The following MAP2 variants were observed in gnomAD, a reference collection of about 807,000 sequenced individuals.
MAP2 encodes microtubule-associated protein 2.
In MAP2, 14 loss-of-function variants were observed where a neutral mutation model predicts 137.6. The ratio of observed to expected loss-of-function variants is 0.10; its 90% confidence interval spans 0.07 to 0.16. MAP2 has a LOEUF of 0.16. Ranked by LOEUF, MAP2 falls within the 10% of genes least tolerant of loss-of-function variation. MAP2 has a pLI of 1.00. For missense variants in MAP2, 2,088 were observed against 2,191.5 expected (o/e 0.95, Z 0.94); for synonymous variants, 786 against 782.3 (o/e 1.00, Z -0.08).
intron 1 of MAP2, among the ~76,000 whole-genome samples, chr2:209,483,296 G>T (rs963375622): frequency 6.6e-6 from 1 of 152,130 alleles, no homozygotes; most frequent in Non-Finnish European, 1.5e-5. Context: ...GTGTTATAAA[G>T]TGTACCTTGT....
chr2:209,425,399 G>A (rs925938734), intron 1 of MAP2, among the ~76,000 whole-genome samples: 20 of 152,116 alleles, frequency 1.3e-4, no homozygotes, highest in African/African-American at 4.8e-4. Context: ...GTTACAAAAG[G>A]AAATAGGTAC....
chr2:209,507,263 T>A (rs2061188656), intron 1 of MAP2, among the ~76,000 whole-genome samples: 1 of 152,168 alleles, frequency 6.6e-6, no homozygotes, highest in Non-Finnish European at 1.5e-5. Context: ...TGGTAGTATA[T>A]TAAGAACAGA....
intron 2 of MAP2, among the ~76,000 whole-genome samples, chr2:209,549,191 C>T (rs1210219539): frequency 2.0e-5 from 3 of 152,060 alleles, no homozygotes; most frequent in African/African-American, 7.2e-5. Context: ...GGAGATTTTT[C>T]CCTAATATTT....
chr2:209,605,605 TG>T, intron 3 of MAP2, among the ~76,000 whole-genome samples: 1 of 152,340 alleles, frequency 6.6e-6, no homozygotes, highest in Admixed American at 6.5e-5. Context: ...ACATCCTTTA[TG>T]CCACCTTTGG....
At chr2:209,462,046 C>G (rs191029884) in intron 1 of MAP2, among the ~76,000 whole-genome samples, 1 of 152,250 alleles carries the variant, frequency 6.6e-6, no homozygotes, top group Admixed American at 6.5e-5. Context: ...AGTCATCACA[C>G]TTATCAAAAC....
chr2:209,726,483 G>A (rs902434362), intron 14 of MAP2, among the ~76,000 whole-genome samples: 1 of 152,172 alleles, frequency 6.6e-6, no homozygotes, highest in Non-Finnish European at 1.5e-5. Flanking sequence ...CATAGAGTGG[G>A]CATGTTGGCT....
chr2:209,453,872 C>T (rs1273526270), intron 1 of MAP2, among the ~76,000 whole-genome samples: 1 of 152,020 alleles, frequency 6.6e-6, no homozygotes, highest in African/African-American at 2.4e-5. Context: ...AGAGGACAGG[C>T]CGGGTGTCGT....
chr2:209,574,226 C>T (rs1689356962), intron 2 of MAP2, among the ~76,000 whole-genome samples: 1 of 152,136 alleles, frequency 6.6e-6, no homozygotes, highest in Non-Finnish European at 1.5e-5. Flanking sequence ...TCCCCCAGCC[C>T]TGTCACTGGT....
At chr2:209,436,366 G>A (rs1029988569) in intron 1 of MAP2, among the ~76,000 whole-genome samples, 2 of 151,492 alleles carry the variant, frequency 1.3e-5, no homozygotes, top group African/African-American at 2.4e-5. Flanking sequence ...TGTGGGCCAC[G>A]CGTAGTCTCT....
In MAP2 at chr2:209,709,895, G is replaced by A. The variant is rs773876303; in HGVS notation, c.4733-19G>A. 4 of 1,593,824 alleles carry A rather than the reference G, an allele frequency of 2.5e-6. No individual in the cohort carries two copies. Among genetic ancestry groups the A allele is most frequent in the African/African-American group, 1.3e-5 (1 of 74,618 alleles). ...ATTGTCTGACTCTGGTTTGGTTTTG[G>A]TCTTGCTTGTTAATACAGGGTCAGA... On this transcript the variant is annotated intron_variant, in intron 12 of 15. Coordinates refer to ENST00000682079, the MANE Select transcript of MAP2 (RefSeq NM_001375505.1).
chr2:209,614,170 G>A lies in MAP2; in HGVS notation c.-106-10883G>A, dbSNP rs147195948. On this transcript the variant is annotated intron_variant, in intron 3 of 15. Coordinates refer to ENST00000682079, the MANE Select transcript of MAP2 (RefSeq NM_001375505.1). ...TCTGCACTCCTCCTTCCTCCATTCC[G>A]ACTGCCCCTCATCTCAGTGGTGCCT... 2.8e-3 allele frequency among the ~76,000 whole-genome samples: 424 copies of A among 151,782 alleles called. 1 individual carries two copies. Among genetic ancestry groups the A allele is most frequent in the African/African-American group, 9.5e-3 (394 of 41,374 alleles).
At chr2:209,477,831 A>T (rs1002681716) in intron 1 of MAP2, among the ~76,000 whole-genome samples, 3 of 150,360 alleles carry the variant, frequency 2.0e-5, no homozygotes, top group Non-Finnish European at 4.4e-5. Context: ...GGCCTCCTCT[A>T]TACAAAATAT....
At chr2:209,598,491 A>G (rs2082007789) in intron 3 of MAP2, among the ~76,000 whole-genome samples, 1 of 150,524 alleles carries the variant, frequency 6.6e-6, no homozygotes, top group Admixed American at 6.6e-5. Context: ...GTACATGTGC[A>G]CAATGTGCAG....
intron 3 of MAP2, among the ~76,000 whole-genome samples, chr2:209,588,167 C>G (rs1404346511): frequency 6.6e-6 from 1 of 152,176 alleles, no homozygotes; most frequent in East Asian, 1.9e-4. Flanking sequence ...GTCTTCTTTG[C>G]ATCATCAAGC....
intron 5 of MAP2, among the ~76,000 whole-genome samples, chr2:209,665,693 A>G (rs916883185): frequency 1.3e-5 from 2 of 152,182 alleles, no homozygotes; most frequent in Non-Finnish European, 2.9e-5. Context: ...GCATAAAATT[A>G]TTTGCAAATG....
chr2:209,481,454 G>A (rs535892531), intron 1 of MAP2, among the ~76,000 whole-genome samples: 8 of 152,100 alleles, frequency 5.3e-5, no homozygotes, highest in Admixed American at 6.6e-5. Flanking sequence ...GGGACTGGGC[G>A]GTACACCAAA....
intron 2 of MAP2, among the ~76,000 whole-genome samples, chr2:209,522,232 A>G (rs1304862475): frequency 6.6e-6 from 1 of 152,118 alleles, no homozygotes; most frequent in African/African-American, 2.4e-5. Context: ...GGAGCTAATC[A>G]GATTAGAAAG....
At chr2:209,608,297 T>A (rs2085514783) in intron 3 of MAP2, among the ~76,000 whole-genome samples, 1 of 152,098 alleles carries the variant, frequency 6.6e-6, no homozygotes, top group South Asian at 2.1e-4. Context: ...GAATCTTTTT[T>A]TTTTTAATGG....
intron 1 of MAP2, among the ~76,000 whole-genome samples, chr2:209,440,616 C>T (rs1697523487): frequency 6.6e-6 from 1 of 151,410 alleles, no homozygotes; most frequent in Non-Finnish European, 1.5e-5. Flanking sequence ...TACCTGTTTG[C>T]TCAAAAAAGA....
Sources: gnomAD v4.1 joint callset for allele counts (sites outside exome capture counted in the v4.1 genomes callset) on GRCh38, gnomAD v4.1.1 for gene constraint, MANE v1.5 for transcripts, NCBI Gene and HGNC (gene_info 2026-07-23, HGNC 2026-07-21) for gene names.